N4BP2: variants seen among roughly 807,000 people sequenced by gnomAD.
N4BP2 encodes the protein NEDD4 binding protein 2.
N4BP2 carries 91 observed loss-of-function variants against 152.8 expected under a neutral mutation model. That is an observed-to-expected ratio of 0.60 (90% CI 0.50 to 0.71). The LOEUF is 0.71. N4BP2 is among the 30% of genes least tolerant of loss of function. N4BP2 has a pLI of 0.00. For missense variants in N4BP2, 1,923 were observed against 2,059.1 expected (o/e 0.93, Z 1.28); for synonymous variants, 646 against 705.3 (o/e 0.92, Z 1.33).
chr4:40,075,024 A>G (rs1288698078), intron 2 of N4BP2, among the ~76,000 whole-genome samples: 1 of 152,004 alleles, frequency 6.6e-6, no homozygotes, highest in Non-Finnish European at 1.5e-5. Flanking sequence ...AAAAAAGTAA[A>G]TAAATAAAAA....
the N4BP2 span, among the ~76,000 whole-genome samples, chr4:40,182,000 C>G: frequency 6.6e-6 from 1 of 152,166 alleles, no homozygotes; most frequent in Non-Finnish European, 1.5e-5. Flanking sequence ...TAAAGACATT[C>G]CTGGGATTGC....
intron 4 of N4BP2, among the ~76,000 whole-genome samples, chr4:40,105,207 C>T (rs1032848635): frequency 1.3e-5 from 2 of 152,096 alleles, no homozygotes; most frequent in Non-Finnish European, 2.9e-5. Context: ...AAATGGATAT[C>T]TGAGAAACAA....
chr4:40,068,135 G>A (rs1711743686), intron 1 of N4BP2, among the ~76,000 whole-genome samples: 2 of 152,140 alleles, frequency 1.3e-5, no homozygotes, highest in Admixed American at 6.6e-5. Context: ...AAACATTTGT[G>A]CAAGTCCTTT....
the N4BP2 span, among the ~76,000 whole-genome samples, chr4:40,184,517 T>C: frequency 2.0e-5 from 3 of 152,268 alleles, no homozygotes; most frequent in Admixed American, 6.5e-5. Flanking sequence ...TAATCCTTAC[T>C]GATCATTAAA....
chr4:40,144,604 G>A (rs368174698), intron 15 of N4BP2, 28 bp from the exon 16 acceptor site: 6 of 1,562,070 alleles, frequency 3.8e-6, no homozygotes, highest in Non-Finnish European at 5.2e-6. Flanking sequence ...CAGCAAAACT[G>A]TCCCTTGGTG....
intron 8 of N4BP2, among the ~76,000 whole-genome samples, chr4:40,119,470 TTC>T (rs1213693628): frequency 1.3e-5 from 2 of 152,298 alleles, no homozygotes; most frequent in Middle Eastern, 3.4e-3. Flanking sequence ...TTTTTCTAAT[TTC>T]TCTTAATCGG....
At chr4:40,176,649 T>C in the N4BP2 span, among the ~76,000 whole-genome samples, 1 of 152,202 alleles carries the variant, frequency 6.6e-6, no homozygotes, top group South Asian at 2.1e-4. Flanking sequence ...CCTGAATAAT[T>C]GTGATACTCT....
intron 1 of N4BP2, among the ~76,000 whole-genome samples, chr4:40,072,658 A>AGGCCTACACACGAGT (rs1175351874): frequency 2.6e-5 from 4 of 151,292 alleles, no homozygotes; most frequent in Non-Finnish European, 5.9e-5. Context: ...GGCCTCCCAA[A>AGGCCTACACACGAGT]GTAATAGGAC....
the N4BP2 span, among the ~76,000 whole-genome samples, chr4:40,185,240 T>C: frequency 6.6e-6 from 1 of 152,210 alleles, no homozygotes; most frequent in Non-Finnish European, 1.5e-5. Flanking sequence ...TGGCCTTATG[T>C]AAGTTGCTTA....
intron 2 of N4BP2, among the ~76,000 whole-genome samples, chr4:40,090,641 T>C: frequency 6.6e-6 from 1 of 152,078 alleles, no homozygotes; most frequent in East Asian, 1.9e-4. Context: ...TGCTTAAAGT[T>C]GTAGTTTACA....
chr4:40,168,996 G>T, the N4BP2 span, among the ~76,000 whole-genome samples: 1 of 151,962 alleles, frequency 6.6e-6, no homozygotes, highest in Non-Finnish European at 1.5e-5. Flanking sequence ...AAAGTGCTGG[G>T]ATTACAGGCT....
At chr4:40,134,817 ATTAGT>A (rs958868631) in intron 13 of N4BP2, among the ~76,000 whole-genome samples, 3 of 151,928 alleles carry the variant, frequency 2.0e-5, no homozygotes, top group Non-Finnish European at 4.4e-5. Flanking sequence ...ATTTTGGATA[ATTAGT>A]TTACCAAATT....
At chr4:40,062,486 ATCTG>A (rs1394174477) in intron 1 of N4BP2, among the ~76,000 whole-genome samples, 1 of 151,644 alleles carries the variant, frequency 6.6e-6, no homozygotes, top group African/African-American at 2.4e-5. Context: ...AGCTAGAGTA[ATCTG>A]TCTAACACAT....
chr4:40,102,486 C>A lies in N4BP2; in HGVS notation c.641C>A (p.Pro214Gln). 1 of 1,614,062 alleles carries A rather than the reference C, an allele frequency of 6.2e-7. No homozygotes were observed. The highest frequency in any genetic ancestry group is 1.3e-5 in the African/African-American group (1 of 75,024). Residue 214 changes from proline to glutamine, a missense_variant, in exon 4 of 18, where the codon CCA (proline) becomes CAA (glutamine). Pro to Gln is a moderately conservative substitution (Grantham distance 76). Coordinates refer to ENST00000261435, the MANE Select transcript of N4BP2 (RefSeq NM_018177.6). ...ENSGSTLSLN[P>Q]LPSHSVLNES... is the part of the protein sequence containing the mutation. ...TCTGGTTCTACTTTAAGTTTAAACC[C>A]ATTACCTTCACATTCAGTTTTGAAC...
rs146223449 is a variant in N4BP2 at position 40,121,900 on chromosome 4, T to G, written c.3789T>G (p.Ser1263Arg). 4.4e-6 allele frequency: 7 copies of G among 1,597,530 alleles called. No individual in the cohort carries two copies. Among genetic ancestry groups the G allele is most frequent in the Non-Finnish European group, 6.0e-6 (7 of 1,175,884 alleles). ...ILKATTPKDM[S>R]ETEKNLVVTE... ...AAGCTACTACTCCTAAAGATATGAG[T>G]GAAACAGAAAAAAACCTAGTAGTCA... is the stretch of plus-strand genomic sequence containing the variant. Residue 1263 changes from serine to arginine, a missense_variant, in exon 9 of 18, where the codon AGT becomes AGG. Transcript: ENST00000261435.
intron 1 of N4BP2, among the ~76,000 whole-genome samples, chr4:40,062,971 A>T (rs1022257628): frequency 3.9e-5 from 6 of 152,220 alleles, no homozygotes; most frequent in Non-Finnish European, 7.3e-5. Context: ...ACTGTCTTAA[A>T]AAATGATGTG....
At chr4:40,092,045 T>TATAG (rs1201054983) in intron 2 of N4BP2, among the ~76,000 whole-genome samples, 2 of 102,660 alleles carry the variant, frequency 1.9e-5, no homozygotes, top group African/African-American at 7.6e-5. Context: ...TATATATATA[T>TATAG]AGCTGAATTT....
At chr4:40,117,751 C>A in intron 7 of N4BP2, 118 bp from the exon 8 acceptor site, 1 of 744,504 alleles carries the variant, frequency 1.3e-6, no homozygotes, top group Non-Finnish European at 2.0e-6. Flanking sequence ...CACAATAAAG[C>A]AGCTTTGATA....
At chr4:40,103,292 A>G in intron 4 of N4BP2, 74 bp downstream of exon 4, 8 of 1,325,048 alleles carry the variant, frequency 6.0e-6, no homozygotes, top group Non-Finnish European at 8.3e-6. Flanking sequence ...TAAATAGGCA[A>G]AATGCTTTGC....
Sources: allele counts gnomAD v4.1 joint callset (sites outside exome capture counted in the v4.1 genomes callset), GRCh38; gene constraint gnomAD v4.1.1; transcripts MANE v1.5; gene names NCBI Gene and HGNC (gene_info 2026-07-23, HGNC 2026-07-21).